The following SH3RF3 variants were observed in gnomAD, a reference collection of about 807,000 sequenced individuals.
SH3RF3 encodes the protein E3 ubiquitin-protein ligase SH3RF3.
In SH3RF3, 29 loss-of-function variants were observed where a neutral mutation model predicts 66.3. The observed-to-expected ratio is 0.44, with a 90% CI of 0.33 to 0.60. The LOEUF is 0.60. SH3RF3 is among the 20% of genes least tolerant of loss of function. The pLI, the probability that SH3RF3 is intolerant of heterozygous loss-of-function variation, is 0.04. For synonymous variants in SH3RF3, 583 were observed against 532.0 expected (o/e 1.10, Z -1.32); for missense variants, 1,194 against 1,190.9 (o/e 1.00, Z -0.04).
intron 1 of SH3RF3, among the ~76,000 whole-genome samples, chr2:109,288,164 C>A (rs1201758619): frequency 6.6e-6 from 1 of 152,218 alleles, no homozygotes; most frequent in African/African-American, 2.4e-5. Flanking sequence ...AAGAAGAACT[C>A]AAACTTAGAT....
chr2:109,424,547 A>G (rs1045206971), intron 5 of SH3RF3, among the ~76,000 whole-genome samples: 9 of 152,206 alleles, frequency 5.9e-5, no homozygotes, highest in African/African-American at 1.9e-4. Context: ...ATTTTCCAAC[A>G]GCATGTGCTC....
chr2:109,261,714 A>C (rs1247648292), intron 1 of SH3RF3, among the ~76,000 whole-genome samples: 1 of 152,128 alleles, frequency 6.6e-6, no homozygotes. Flanking sequence ...TGTGTATTTA[A>C]AATTTGGCTC....
intron 1 of SH3RF3, among the ~76,000 whole-genome samples, chr2:109,299,010 C>A (rs1055524440): frequency 6.6e-6 from 1 of 152,202 alleles, no homozygotes; most frequent in Non-Finnish European, 1.5e-5. Flanking sequence ...CCACTGCCTC[C>A]CTGGTGATGT....
chr2:109,436,378 C>T (rs1677399322), intron 6 of SH3RF3, among the ~76,000 whole-genome samples: 1 of 152,198 alleles, frequency 6.6e-6, no homozygotes, highest in South Asian at 2.1e-4. Flanking sequence ...GCATCTATTT[C>T]TGGTATGGAA....
intron 1 of SH3RF3, among the ~76,000 whole-genome samples, chr2:109,284,829 T>G (rs1680988841): frequency 6.6e-6 from 1 of 152,128 alleles, no homozygotes; most frequent in South Asian, 2.1e-4. Context: ...GTGTGGGGTG[T>G]GTGTGTTTAA....
chr2:109,325,083 G>A (rs1483263324), intron 1 of SH3RF3, among the ~76,000 whole-genome samples: 1 of 152,120 alleles, frequency 6.6e-6, no homozygotes, highest in Non-Finnish European at 1.5e-5. Flanking sequence ...TAGAAGGGAG[G>A]ATGCCATGGC....
At chr2:109,188,039 C>T (rs1259610789) in intron 1 of SH3RF3, among the ~76,000 whole-genome samples, 1 of 152,220 alleles carries the variant, frequency 6.6e-6, no homozygotes, top group Admixed American at 6.5e-5. Flanking sequence ...GGAGTCTGCA[C>T]CGGCTTGCAG....
intron 8 of SH3RF3, among the ~76,000 whole-genome samples, chr2:109,463,066 A>G (rs111732003): frequency 0.011 from 1,648 of 152,344 alleles, 38 homozygotes; most frequent in African/African-American, 0.038. Flanking sequence ...AAGAAGACCT[A>G]ACCTGTAAAT....
At chr2:109,319,011 G>T (rs1681954785) in intron 1 of SH3RF3, among the ~76,000 whole-genome samples, 1 of 152,182 alleles carries the variant, frequency 6.6e-6, no homozygotes, top group South Asian at 2.1e-4. Context: ...CTGCTAACTG[G>T]GATTACAGAT....
chr2:109,129,807 C>A lies in SH3RF3; in HGVS notation c.267C>A (p.Arg89=). 1 of 1,538,250 alleles carries A rather than the reference C, an allele frequency of 6.5e-7. No individual in the cohort carries two copies. Among genetic ancestry groups the A allele is most frequent in the South Asian group, 1.2e-5 (1 of 83,290 alleles). The change falls in exon 1 of 10, where the codon CGC becomes CGA. Residue 89 remains arginine (R), a synonymous_variant. Transcript: ENST00000309415. ...GCCTGGAGAGCATCGTGTGCTCGCG[C>A]CACGAGCTGCGCTGCCCCGAGTGCC... ...RRCLESIVCS[R]HELRCPECRI...
chr2:109,316,834 C>T (rs1191283075), intron 1 of SH3RF3, among the ~76,000 whole-genome samples: 1 of 152,198 alleles, frequency 6.6e-6, no homozygotes, highest in Non-Finnish European at 1.5e-5. Context: ...CTCTGGCTGC[C>T]GTGGGTCTTT....
chr2:109,447,158 AAAAAAAAAAAG>A, intron 7 of SH3RF3, among the ~76,000 whole-genome samples: 1 of 149,914 alleles, frequency 6.7e-6, no homozygotes, highest in Non-Finnish European at 1.5e-5. Flanking sequence ...AAAAAAAAAA[AAAAAAAAAAAG>A]AAAAGAAAAA....
At chr2:109,387,940 A>G (rs1675869979) in intron 3 of SH3RF3, among the ~76,000 whole-genome samples, 1 of 151,692 alleles carries the variant, frequency 6.6e-6, no homozygotes, top group Non-Finnish European at 1.5e-5. Flanking sequence ...ACTGGCCCAG[A>G]TTCCCAACCA....
intron 1 of SH3RF3, among the ~76,000 whole-genome samples, chr2:109,172,233 G>A (rs1677801573): frequency 6.6e-6 from 1 of 152,212 alleles, no homozygotes; most frequent in Non-Finnish European, 1.5e-5. Context: ...TGAGCACAGC[G>A]TCTGAAGTAT....
At chr2:109,245,491 C>G (rs1223152613) in intron 1 of SH3RF3, among the ~76,000 whole-genome samples, 1 of 152,136 alleles carries the variant, frequency 6.6e-6, no homozygotes, top group Non-Finnish European at 1.5e-5. Context: ...TGATTATTTT[C>G]CTTTCTAAGA....
chr2:109,242,987 G>A (rs1414241026), intron 1 of SH3RF3, among the ~76,000 whole-genome samples: 1 of 152,252 alleles, frequency 6.6e-6, no homozygotes, highest in Non-Finnish European at 1.5e-5. Flanking sequence ...GTGACTCATG[G>A]TTCTGTTATT....
chr2:109,469,001 T>C (rs564945366), intron 8 of SH3RF3, among the ~76,000 whole-genome samples: 36 of 151,026 alleles, frequency 2.4e-4, no homozygotes, highest in Non-Finnish European at 4.4e-4. Context: ...CTCAAGGTCT[T>C]CTAAAGGGCT....
intron 4 of SH3RF3, among the ~76,000 whole-genome samples, chr2:109,406,530 C>G (rs1304930784): frequency 6.6e-6 from 1 of 152,146 alleles, no homozygotes; most frequent in Non-Finnish European, 1.5e-5. Flanking sequence ...CTCTACCATC[C>G]TCACCTGGGA....
chr2:109,147,615 G>A (rs898623966), intron 1 of SH3RF3, among the ~76,000 whole-genome samples: 2 of 152,182 alleles, frequency 1.3e-5, no homozygotes, highest in African/African-American at 2.4e-5. Context: ...GTCTCATAGC[G>A]TGTTATCGAT....
Sources: gnomAD v4.1 joint callset for allele counts (sites outside exome capture counted in the v4.1 genomes callset) on GRCh38, gnomAD v4.1.1 for gene constraint, MANE v1.5 for transcripts, NCBI Gene and HGNC (gene_info 2026-07-23, HGNC 2026-07-21) for gene names.